TAFA4: variants seen among roughly 807,000 people sequenced by gnomAD.
The protein encoded by TAFA4 is TAFA chemokine like family member 4.
In TAFA4, 20 loss-of-function variants were observed where a neutral mutation model predicts 21.1. The observed-to-expected ratio is 0.95, with a 90% confidence interval of 0.67 to 1.38. The LOEUF is 1.38. TAFA4 is among the 40% of genes most tolerant of loss of function. The pLI, the probability that TAFA4 is intolerant of heterozygous loss-of-function variation, is 0.00. For synonymous variants in TAFA4, 71 were observed against 67.4 expected (o/e 1.05, Z -0.26); for missense variants, 211 against 180.9 (o/e 1.17, Z -0.95).
chr3:68,808,842 G>T (rs970707429), intron 3 of TAFA4, among the ~76,000 whole-genome samples: 2 of 152,202 alleles, frequency 1.3e-5, no homozygotes, highest in Non-Finnish European at 2.9e-5. Context: ...TACTGAAAAT[G>T]AGCCATGTTT....
chr3:68,885,225 T>C lies in TAFA4; in HGVS notation c.-37A>G, dbSNP rs1444393142. 1 of 1,606,282 alleles carries C rather than the reference T, an allele frequency of 6.2e-7. No homozygotes were observed. Among genetic ancestry groups the C allele is most frequent in the Non-Finnish European group, 8.5e-7 (1 of 1,175,916 alleles). On this transcript the variant is annotated 5_prime_UTR_variant, in exon 2 of 6. It adds an upstream start codon to the 5' untranslated region. Coordinates refer to ENST00000295569, the MANE Select transcript of TAFA4 (RefSeq NM_182522.5). ...CTAGTCAAACACACTTATTCCAGGA[T>C]ATATTTCAGAGTGACTCCAAATTCC...
intron 3 of TAFA4, among the ~76,000 whole-genome samples, chr3:68,855,041 G>A (rs1488947544): frequency 6.6e-6 from 1 of 152,028 alleles, no homozygotes; most frequent in African/African-American, 2.4e-5. Context: ...ACTCTTAGGG[G>A]CCAGAACAAT....
At position 68,737,423 on chromosome 3, in the gene TAFA4, C is replaced by T. The variant is rs146746087; in HGVS notation, c.411+1652G>A. Among the ~76,000 whole-genome samples the T allele has an allele frequency of 9.7e-3, 1,475 of 152,258 alleles. 14 individuals carry two copies. Among genetic ancestry groups the T allele is most frequent in the Middle Eastern group, 0.02 (6 of 294 alleles). On this transcript the variant is annotated intron_variant, in intron 5 of 5. Coordinates refer to ENST00000295569, the MANE Select transcript of TAFA4 (RefSeq NM_182522.5). ...TAAATGACTCCATGGACTTCTGCTG[C>T]TCTGGACATAAAAGCAGATATCAGA... is the stretch of plus-strand genomic sequence containing the variant.
intron 3 of TAFA4, among the ~76,000 whole-genome samples, chr3:68,838,294 C>T (rs1391691510): frequency 3.3e-5 from 5 of 152,216 alleles, no homozygotes; most frequent in African/African-American, 9.6e-5. Flanking sequence ...TAATTAAGTG[C>T]GCTAACTGAG....
At chr3:68,929,613 T>C (rs2090141366) in intron 1 of TAFA4, among the ~76,000 whole-genome samples, 1 of 152,246 alleles carries the variant, frequency 6.6e-6, no homozygotes, top group Non-Finnish European at 1.5e-5. Flanking sequence ...GTCCATTTAC[T>C]GTGATGTCTT....
intron 3 of TAFA4, among the ~76,000 whole-genome samples, chr3:68,786,225 A>G (rs542794388): frequency 6.6e-6 from 1 of 152,334 alleles, no homozygotes; most frequent in South Asian, 2.1e-4. Flanking sequence ...TATATAACAA[A>G]CCTGCACATC....
intron 3 of TAFA4, among the ~76,000 whole-genome samples, chr3:68,838,633 T>A (rs943292824): frequency 6.6e-6 from 1 of 152,208 alleles, no homozygotes; most frequent in Non-Finnish European, 1.5e-5. Flanking sequence ...TTTTGTCACA[T>A]ATTATTCTCT....
chr3:68,863,300 T>C (rs917958125), intron 3 of TAFA4, among the ~76,000 whole-genome samples: 2 of 152,082 alleles, frequency 1.3e-5, no homozygotes, highest in Non-Finnish European at 2.9e-5. Flanking sequence ...AGTAAGAAAG[T>C]AGTTGCATTC....
At chr3:68,833,921 A>G (rs1704459731) in intron 3 of TAFA4, among the ~76,000 whole-genome samples, 1 of 152,192 alleles carries the variant, frequency 6.6e-6, no homozygotes, top group African/African-American at 2.4e-5. Flanking sequence ...TAAAGTGTTG[A>G]CCAAAATGTG....
chr3:68,765,826 T>A (rs752899175), intron 3 of TAFA4, among the ~76,000 whole-genome samples: 1 of 152,090 alleles, frequency 6.6e-6, no homozygotes, highest in East Asian at 1.9e-4. Flanking sequence ...CAGGCAGAAG[T>A]GGATACCGAG....
chr3:68,805,831 G>C (rs1314018408), intron 3 of TAFA4, among the ~76,000 whole-genome samples: 1 of 152,052 alleles, frequency 6.6e-6, no homozygotes, highest in Admixed American at 6.5e-5. Context: ...GAGGGGGATA[G>C]TATTAGGAGA....
chr3:68,874,590 G>A (rs1049750463), intron 3 of TAFA4, among the ~76,000 whole-genome samples: 1 of 152,142 alleles, frequency 6.6e-6, no homozygotes, highest in Admixed American at 6.6e-5. Context: ...AAGAAAAAGG[G>A]AAATTTCTTC....
rs369997425 is a variant in TAFA4, at chr3:68,781,832, G to A, written c.131-28814C>T. Among the ~76,000 whole-genome samples, 5 of 152,126 alleles carry A rather than the reference G, an allele frequency of 3.3e-5. No individual in the cohort carries two copies. The East Asian group carries it at 5.8e-4, about 18-fold the overall frequency. Reference sequence around the variant, plus strand: ...AAAGAAAATTACAGACAGATATCTCGCATAAAATAGATGCAAAAATCCTTT... The same window carrying A: ...AAAGAAAATTACAGACAGATATCTCACATAAAATAGATGCAAAAATCCTTT... On this transcript the variant is annotated intron_variant, in intron 3 of 5. Coordinates refer to ENST00000295569, the MANE Select transcript of TAFA4 (RefSeq NM_182522.5).
chr3:68,746,492 C>T (rs894212288), intron 4 of TAFA4, among the ~76,000 whole-genome samples: 2 of 152,026 alleles, frequency 1.3e-5, no homozygotes, highest in Non-Finnish European at 2.9e-5. Flanking sequence ...AAATATGCTC[C>T]AAGATTTTAA....
chr3:68,840,242 T>C (rs1704629262), intron 3 of TAFA4, among the ~76,000 whole-genome samples: 1 of 152,216 alleles, frequency 6.6e-6, no homozygotes, highest in Admixed American at 6.5e-5. Context: ...AGGTCTCACA[T>C]TGCTGCTCAG....
At chr3:68,804,385 T>A (rs1347684634) in intron 3 of TAFA4, among the ~76,000 whole-genome samples, 1 of 152,152 alleles carries the variant, frequency 6.6e-6, no homozygotes, top group African/African-American at 2.4e-5. Context: ...CAAGGTAATT[T>A]ATAGATTCAA....
At chr3:68,788,761 G>A (rs536334365) in intron 3 of TAFA4, among the ~76,000 whole-genome samples, 5 of 152,076 alleles carry the variant, frequency 3.3e-5, no homozygotes, top group Non-Finnish European at 5.9e-5. Context: ...ACAGGCACAC[G>A]CCACCATACC....
At chr3:68,776,636 C>A (rs1446012163) in intron 3 of TAFA4, among the ~76,000 whole-genome samples, 1 of 152,168 alleles carries the variant, frequency 6.6e-6, no homozygotes, top group Non-Finnish European at 1.5e-5. Flanking sequence ...TCAATCACAG[C>A]AGAACTGTCA....
intron 3 of TAFA4, among the ~76,000 whole-genome samples, chr3:68,757,903 A>T (rs550371228): frequency 6.6e-6 from 1 of 152,312 alleles, no homozygotes; most frequent in African/African-American, 2.4e-5. Context: ...TTGATAAAAT[A>T]TAGGTTTTAG....
Sources: allele counts gnomAD v4.1 joint callset (sites outside exome capture counted in the v4.1 genomes callset), GRCh38; gene constraint gnomAD v4.1.1; transcripts MANE v1.5; gene names NCBI Gene and HGNC (gene_info 2026-07-23, HGNC 2026-07-21).